Variants in TBC1D14 observed in about 807,000 individuals in gnomAD.
The protein encoded by TBC1D14 is TBC1 domain family, member 14.
In TBC1D14, 26 loss-of-function variants were observed where a neutral mutation model predicts 79.0. That is an observed-to-expected ratio of 0.33 (90% CI 0.24 to 0.46). TBC1D14 has a LOEUF of 0.46. TBC1D14 is among the 20% of genes least tolerant of loss of function. TBC1D14 has a pLI of 1.00. For synonymous variants in TBC1D14, 394 were observed against 349.9 expected (o/e 1.13, Z -1.40); for missense variants, 769 against 887.6 (o/e 0.87, Z 1.70).
chr4:6,924,809 C>T (rs1724155819), intron 2 of TBC1D14, among the ~76,000 whole-genome samples: 1 of 152,192 alleles, frequency 6.6e-6, no homozygotes, highest in Non-Finnish European at 1.5e-5. Flanking sequence ...GTGCCTATTT[C>T]CTAGGCCCTG....
intron 2 of TBC1D14, among the ~76,000 whole-genome samples, chr4:6,939,049 C>T (rs1031911561): frequency 2.6e-5 from 4 of 152,306 alleles, no homozygotes; most frequent in South Asian, 2.1e-4. Context: ...AAACCCTCTC[C>T]GGCTCAGCCG....
chr4:6,910,629 C>G (rs1722905690), intron 1 of TBC1D14: 1 of 152,294 alleles, frequency 6.6e-6, no homozygotes, highest in Non-Finnish European at 1.5e-5. Flanking sequence ...TGGTCTCCCT[C>G]CCGCCAGGAG....
At chr4:6,996,243 T>C in intron 4 of TBC1D14, 82 bp from the exon 5 acceptor site, 1 of 1,124,554 alleles carries the variant, frequency 8.9e-7, no homozygotes, top group Non-Finnish European at 1.3e-6. Context: ...TTATATTTTT[T>C]AGGAAATTAT....
intron 2 of TBC1D14, among the ~76,000 whole-genome samples, chr4:6,958,374 T>TACACACACACACACACACAC (rs529020444): frequency 4.7e-5 from 2 of 42,252 alleles, no homozygotes; most frequent in African/African-American, 2.3e-4. Context: ...GATCCCCACA[T>TACACACACACACACACACAC]ATACACACAC....
At chr4:6,971,017 C>T (rs539451313) in intron 3 of TBC1D14, among the ~76,000 whole-genome samples, 2 of 146,510 alleles carry the variant, frequency 1.4e-5, no homozygotes, top group South Asian at 2.2e-4. Context: ...TTGGACCTGC[C>T]TCAAGGAGCC....
intron 1 of TBC1D14, among the ~76,000 whole-genome samples, chr4:6,911,303 T>A (rs778612371): frequency 6.6e-6 from 1 of 152,182 alleles, no homozygotes; most frequent in South Asian, 2.1e-4. Context: ...GAAAACACCT[T>A]TTGGGAAACA....
intron 2 of TBC1D14, among the ~76,000 whole-genome samples, chr4:6,927,259 G>A (rs1724364403): frequency 1.3e-5 from 2 of 152,286 alleles, no homozygotes; most frequent in South Asian, 4.1e-4. Context: ...GCATTTCACG[G>A]GCTATGGGGG....
In TBC1D14 at chr4:7,014,437, T is replaced by C. The variant is rs1246865533; in HGVS notation, c.1648-11T>C. The C allele has an allele frequency of 1.1e-5, 18 of 1,582,748 alleles. No individual in the cohort carries two copies. The highest frequency in any genetic ancestry group is 1.5e-5 in the Non-Finnish European group (17 of 1,152,654). On this transcript the variant is annotated splice_polypyrimidine_tract_variant and intron_variant, in intron 11 of 13. Coordinates refer to ENST00000409757, the MANE Select transcript of TBC1D14 (RefSeq NM_020773.3). ...GATAGTTTCTGAGTAAATTTCATAT[T>C]ATCTCCCTAGATGTTGACTTATTTT...
intron 2 of TBC1D14, among the ~76,000 whole-genome samples, chr4:6,936,786 TTTGCTG>T (rs1712375932): frequency 6.6e-6 from 1 of 152,230 alleles, no homozygotes; most frequent in South Asian, 2.1e-4. Context: ...CTCCCCAGCG[TTTGCTG>T]TTGTCAGTGG....
chr4:6,944,298 A>G (rs911077453), intron 2 of TBC1D14, among the ~76,000 whole-genome samples: 13 of 152,248 alleles, frequency 8.5e-5, no homozygotes, highest in South Asian at 4.1e-4. Context: ...ACGTGTTCGT[A>G]TGCTTATTAA....
intron 1 of TBC1D14, among the ~76,000 whole-genome samples, chr4:6,921,928 C>T (rs574228128): frequency 9.2e-5 from 14 of 152,252 alleles, no homozygotes; most frequent in African/African-American, 3.4e-4. Flanking sequence ...AACTGCTGAC[C>T]TCTCGACCTG....
At chr4:6,946,217 T>C (rs1010891869) in intron 2 of TBC1D14, among the ~76,000 whole-genome samples, 19 of 152,186 alleles carry the variant, frequency 1.2e-4, no homozygotes, top group Admixed American at 1.0e-3. Context: ...GTTCTCAATA[T>C]GTATTTGTTG....
chr4:6,993,871 G>A (rs543700873), intron 3 of TBC1D14, among the ~76,000 whole-genome samples: 59 of 152,146 alleles, frequency 3.9e-4, no homozygotes, highest in Non-Finnish European at 5.9e-4. Flanking sequence ...TTAGCCAGCC[G>A]TGGTGGTGAG....
chr4:7,009,823 T>C (rs531802819), intron 9 of TBC1D14, 54 bp from the exon 10 acceptor site: 3 of 1,574,612 alleles, frequency 1.9e-6, no homozygotes, highest in East Asian at 4.5e-5. Flanking sequence ...GATGTTCGTC[T>C]GAGCACTAAC....
At chr4:6,935,600 T>G (rs1478336136) in intron 2 of TBC1D14, among the ~76,000 whole-genome samples, 3 of 151,978 alleles carry the variant, frequency 2.0e-5, no homozygotes, top group African/African-American at 7.2e-5. Context: ...CTTCCATGCT[T>G]GTAGTCTATT....
intron 3 of TBC1D14, among the ~76,000 whole-genome samples, chr4:6,969,562 C>T (rs1006544154): frequency 3.9e-5 from 6 of 152,182 alleles, no homozygotes; most frequent in Non-Finnish European, 8.8e-5. Flanking sequence ...CCCACCACCG[C>T]GCCTGGCTAA....
In TBC1D14 at chr4:6,924,082, A is replaced by T. The variant is rs772030584; in HGVS notation, c.693A>T (p.Ile231=). 6.2e-7 allele frequency: 1 copy of T among 1,612,962 alleles called. No individual in the cohort carries two copies. Among genetic ancestry groups the T allele is most frequent in the African/African-American group, 1.3e-5 (1 of 74,920 alleles). The change falls in exon 2 of 14, where the codon ATA becomes ATT. Residue 231 remains isoleucine (I), a synonymous_variant. Transcript: ENST00000409757. The part of the protein sequence containing the change: ...HEAEEGSKLK[I]LGPFSNFFAR... Reference sequence around the variant, plus strand: ...CTGAGGAGGGGAGTAAATTGAAAATATTGGGGCCATTTAGTAACTTCTTTG... The same window carrying T: ...CTGAGGAGGGGAGTAAATTGAAAATTTTGGGGCCATTTAGTAACTTCTTTG...
intron 2 of TBC1D14, among the ~76,000 whole-genome samples, chr4:6,944,662 T>C (rs1404147829): frequency 1.3e-5 from 2 of 152,226 alleles, no homozygotes; most frequent in African/African-American, 4.8e-5. Context: ...GGCCTCTGGT[T>C]CCTGTAAATT....
chr4:6,980,070 G>C (rs180939038), intron 3 of TBC1D14, among the ~76,000 whole-genome samples: 1 of 152,276 alleles, frequency 6.6e-6, no homozygotes, highest in East Asian at 1.9e-4. Flanking sequence ...ACAATTTATA[G>C]AACACAGCAC....
Sources: allele counts gnomAD v4.1 joint callset (sites outside exome capture counted in the v4.1 genomes callset), GRCh38; gene constraint gnomAD v4.1.1; transcripts MANE v1.5; gene names NCBI Gene and HGNC (gene_info 2026-07-23, HGNC 2026-07-21).